The following FOXM1 variants were observed in gnomAD, a reference collection of about 807,000 sequenced individuals.
FOXM1 encodes the protein forkhead box protein M1.
A neutral mutation model predicts 63.6 loss-of-function variants in FOXM1; 25 were observed. The observed-to-expected ratio is 0.39, with a 90% CI of 0.29 to 0.55. The LOEUF (loss-of-function observed/expected upper bound fraction) is 0.55, where lower values mean the gene tolerates loss of function less well. FOXM1 is among the 20% of genes least tolerant of loss of function. The probability of loss-of-function intolerance (pLI) is 0.60; values close to 1 mark genes in which losing one functional copy is unlikely to be tolerated. For missense variants in FOXM1, 879 were observed against 958.7 expected (o/e 0.92, Z 1.10); for synonymous variants, 387 against 376.9 (o/e 1.03, Z -0.31).
Position 2,864,301 on chromosome 12 carries a change from A to G in FOXM1, c.1266+19T>C. The G allele has an allele frequency of 6.3e-7, 1 of 1,596,456 alleles. No homozygotes were observed. Among genetic ancestry groups the G allele is most frequent in the African/African-American group, 1.3e-5 (1 of 74,598 alleles). The stretch of plus-strand genomic sequence containing the variant: ...TTAATTGGCCAGAATCTCTCTTCAG[A>G]GGAAAATAGGACACCCACCTTGGGG... On this transcript the variant is annotated intron_variant, in intron 8 of 8. Coordinates refer to ENST00000359843, the MANE Select transcript of FOXM1 (RefSeq NM_021953.4). This position sits in a 1 kb window ranked among gnomAD's most constrained non-coding sequence, Gnocchi z 5.1.
Position 2,874,397 on chromosome 12 carries a change from A to C in FOXM1, c.82T>G (p.Ser28Ala). The C allele has an allele frequency of 1.2e-6, 2 of 1,614,030 alleles. No homozygotes were observed. The highest frequency in any genetic ancestry group is 1.1e-5 in the South Asian group (1 of 91,080). ...GGGGATCTCTTAGGTTCCTCCTCTG[A>C]TGTTTCACTTGGGGCATTTTGAACA... The part of the protein sequence containing the change: ...LPVQNAPSET[S>A]EEEPKRSPAQ... Residue 28 changes from serine to alanine, a missense_variant, in exon 2 of 9, where the codon TCA becomes GCA. Physicochemically the swap from Ser to Ala is moderately conservative, Grantham distance 99. This residue lies in a region of FOXM1 where 255 missense variants were observed against 292.4 expected (regional missense o/e 0.87). Coordinates refer to ENST00000359843, the MANE Select transcript of FOXM1 (RefSeq NM_021953.4). The surrounding 1 kb of genome is among the most constrained non-coding windows in gnomAD (Gnocchi z 4.3).
At chr12:2,866,577 C>T (rs1397132803) in intron 4 of FOXM1, 56 bp from the exon 5 acceptor site, 2 of 1,463,670 alleles carry the variant, frequency 1.4e-6, no homozygotes, top group Non-Finnish European at 9.0e-7. Flanking sequence ...GAAACATCAC[C>T]CTTCAAACAC....
intron 4 of FOXM1, among the ~76,000 whole-genome samples, chr12:2,867,986 AAAAAAAAAAAAAAG>A (rs1010193978): frequency 1.3e-5 from 2 of 151,586 alleles, no homozygotes; most frequent in Non-Finnish European, 2.9e-5. Flanking sequence ...TCTCAAAAAA[AAAAAAAAAAAAAAG>A]AAAGAGTTCT....
In FOXM1 at chr12:2,866,519, G is replaced by A. The variant is rs1054313519; in HGVS notation, c.849C>T (p.Asn283=). The change falls in exon 5 of 9, where the codon AAC becomes AAT. Residue 283 remains asparagine (N), a splice_region_variant and synonymous_variant. Coordinates refer to ENST00000359843, the MANE Select transcript of FOXM1 (RefSeq NM_021953.4). ...FKHIAKPGWK[N]SIRHNLSLHD... ...GCAGGGAAAGGTTGTGGCGGATGGA[G>A]TTCTGGAAGAAGAGCAAGACAACTG... 3.3e-6 allele frequency: 5 copies of A among 1,529,990 alleles called. No individual in the cohort carries two copies. Among genetic ancestry groups the A allele is most frequent in the Non-Finnish European group, 4.4e-6 (5 of 1,143,512 alleles). 94.8% of individuals were successfully genotyped at this position (1,529,990 alleles called of 1,614,324 possible).
intron 8 of FOXM1, among the ~76,000 whole-genome samples, chr12:2,860,753 T>C (rs904580888): frequency 6.6e-6 from 1 of 151,030 alleles, no homozygotes; most frequent in African/African-American, 2.4e-5. Flanking sequence ...GCACCTGTAA[T>C]CCCAGCTACT....
At chr12:2,860,087 C>T (rs1250804638) in intron 8 of FOXM1, among the ~76,000 whole-genome samples, 1 of 151,986 alleles carries the variant, frequency 6.6e-6, no homozygotes, top group Non-Finnish European at 1.5e-5. Flanking sequence ...ATCTAGGAGA[C>T]TACATATACA....
rs28990726 is a variant in FOXM1, at chr12:2,861,284, G to A, written c.1267-1621C>T. 3,531 of 718,114 alleles carry A rather than the reference G, an allele frequency of 4.9e-3. 121 individuals carry two copies. The Admixed American group carries it at 0.065, about 13-fold the overall frequency. The allele number at this position is 718,114 out of a possible 1,614,324, so 44.5% of individuals were successfully genotyped here. ...TCCAAGTCACCAAACATAATGACAA[G>A]GTGCTCAGACTTACTGATAAACAAA... On this transcript the variant is annotated intron_variant, in intron 8 of 8. Transcript: ENST00000359843.
chr12:2,861,165 C>T (rs1294448094), intron 8 of FOXM1: 1 of 516,500 alleles, frequency 1.9e-6, no homozygotes, highest in Non-Finnish European at 3.3e-6. Flanking sequence ...AAGACTCCGT[C>T]TCAAAAAAAA....
At chr12:2,865,277 G>T in intron 6 of FOXM1, 78 bp downstream of exon 6, 4 of 1,318,690 alleles carry the variant, frequency 3.0e-6, no homozygotes, top group Admixed American at 2.0e-5. Flanking sequence ...ATCACATCTT[G>T]TCTCTGTCCA....
At chr12:2,861,247 A>G in intron 8 of FOXM1, 1 of 700,942 alleles carries the variant, frequency 1.4e-6, no homozygotes, top group South Asian at 1.7e-5. Flanking sequence ...TAACCAATTC[A>G]TAGAGGACAA....
At position 2,872,471 on chromosome 12, in the gene FOXM1, T is replaced by G. The variant is rs1024843922; in HGVS notation, c.503-224A>C. Among the ~76,000 whole-genome samples the G allele has an allele frequency of 1.3e-5, 2 of 152,078 alleles. No individual in the cohort carries two copies. Among genetic ancestry groups the G allele is most frequent in the Non-Finnish European group, 1.5e-5 (1 of 68,018 alleles). On this transcript the variant is annotated intron_variant, in intron 2 of 8. Coordinates refer to ENST00000359843, the MANE Select transcript of FOXM1 (RefSeq NM_021953.4). The surrounding 1 kb of genome is among the most constrained non-coding windows in gnomAD (Gnocchi z 4.0). ...CTAAAAATACAAAATTAGCTGGGTGTGGTGGCACACGCCTGTAGTCCCAGC... is the reference window on the plus strand; with the variant it reads ...CTAAAAATACAAAATTAGCTGGGTGGGGTGGCACACGCCTGTAGTCCCAGC...
At position 2,866,524 on chromosome 12, in the gene FOXM1, GGAA is replaced by G. The variant is rs1351445666; in HGVS notation, c.847-6_847-4del. On this transcript the variant is annotated splice_region_variant and splice_polypyrimidine_tract_variant and intron_variant, in intron 4 of 8. Transcript: ENST00000359843. ...GAAAGGTTGTGGCGGATGGAGTTCT[GGAA>G]GAAGAGCAAGACAACTGGTTATCAG... 2.0e-6 allele frequency: 3 copies of G among 1,523,644 alleles called. No homozygotes were observed. Among genetic ancestry groups the G allele is most frequent in the Non-Finnish European group, 2.6e-6 (3 of 1,140,478 alleles). The allele number at this position is 1,523,644 out of a possible 1,614,324, so 94.4% of individuals were successfully genotyped here. A position where few individuals can be genotyped will look rare whatever the true frequency, so the allele number is the denominator to read the frequency against.
chr12:2,867,436 G>A (rs944663022), intron 4 of FOXM1, among the ~76,000 whole-genome samples: 5 of 152,112 alleles, frequency 3.3e-5, no homozygotes, highest in Admixed American at 3.3e-4. Context: ...GTGAGACCCT[G>A]TCTCAAAAAA....
intron 3 of FOXM1, 47 bp from the exon 4 acceptor site, chr12:2,868,801 C>T (rs377319669): frequency 2.0e-4 from 300 of 1,485,388 alleles, no homozygotes; most frequent in Non-Finnish European, 2.6e-4. Flanking sequence ...TCATGAGAAG[C>T]ACCCCCAACC....
At chr12:2,871,894 C>T (rs1290424013) in intron 3 of FOXM1, among the ~76,000 whole-genome samples, 1 of 152,150 alleles carries the variant, frequency 6.6e-6, no homozygotes, top group East Asian at 1.9e-4. Context: ...CCAAGGGACT[C>T]TGCCCTCAAG....
chr12:2,872,273 C>G lies in FOXM1; in HGVS notation c.503-26G>C. ...CTAGAGGGAAAATAATCCAACACCC[C>G]ACTTAGCTGCCTCATCAGATGCCCA... On this transcript the variant is annotated intron_variant, in intron 2 of 8. Coordinates refer to ENST00000359843, the MANE Select transcript of FOXM1 (RefSeq NM_021953.4). This position sits in a 1 kb window ranked among gnomAD's most constrained non-coding sequence, Gnocchi z 4.0. 1.2e-6 allele frequency: 2 copies of G among 1,612,438 alleles called. No individual in the cohort carries two copies. Among genetic ancestry groups the G allele is most frequent in the Non-Finnish European group, 1.7e-6 (2 of 1,178,982 alleles).
rs2098127996 is a variant in FOXM1 at position 2,868,761 on chromosome 12, G to A, written c.655-7C>T. On this transcript the variant is annotated splice_region_variant and splice_polypyrimidine_tract_variant and intron_variant, in intron 3 of 8. Coordinates refer to ENST00000359843, the MANE Select transcript of FOXM1 (RefSeq NM_021953.4). ...GTCTCGAAGGCTCCTCAACCTGAGG[G>A]TTATGACACAGGGAATGACATGAAA... 1 of 1,605,790 alleles carries A rather than the reference G, an allele frequency of 6.2e-7. No individual in the cohort carries two copies. The highest frequency in any genetic ancestry group is 8.5e-7 in the Non-Finnish European group (1 of 1,176,138).
At position 2,864,070 on chromosome 12, in the gene FOXM1, C is replaced by G. The variant is rs747935293; in HGVS notation, c.1266+250G>C. The G allele has an allele frequency of 4.4e-6, 2 of 452,970 alleles. No individual in the cohort carries two copies. Among genetic ancestry groups the G allele is most frequent in the Non-Finnish European group, 8.0e-6 (2 of 250,952 alleles). The allele number at this position is 452,970 out of a possible 1,614,324, so 28.1% of individuals were successfully genotyped here. A position where few individuals can be genotyped will look rare whatever the true frequency, so the allele number is the denominator to read the frequency against. ...TCCTTAATAATCCTAGCCCATCTAT[C>G]ACAATCACTTTTGTCTGAATTCTTA... On this transcript the variant is annotated intron_variant, in intron 8 of 8. Coordinates refer to ENST00000359843, the MANE Select transcript of FOXM1 (RefSeq NM_021953.4). This position sits in a 1 kb window ranked among gnomAD's most constrained non-coding sequence, Gnocchi z 5.1.
At chr12:2,862,181 G>GAAAAAAAAAAAAAAAAAAAAAAAAA (rs962205817) in intron 8 of FOXM1, among the ~76,000 whole-genome samples, 1 of 102,438 alleles carries the variant, frequency 9.8e-6, no homozygotes, top group Admixed American at 1.1e-4. Flanking sequence ...TCCGTCTCAG[G>GAAAAAAAAAAAAAAAAAAAAAAAAA]AAAAAAAAAA....
Sources: gnomAD v4.1 joint callset for allele counts (sites outside exome capture counted in the v4.1 genomes callset) on GRCh38, gnomAD v4.1.1 for gene constraint, gnomAD v4.1.1 regional missense constraint, Gnocchi (gnomAD v3.1) non-coding constraint, MANE v1.5 for transcripts, NCBI Gene and HGNC (gene_info 2026-07-23, HGNC 2026-07-21) for gene names.